Variants in PAPPA2 observed in about 807,000 individuals in gnomAD.
PAPPA2 encodes the protein pappalysin 2, also known as pappalysin-2.
Under a neutral mutation model 176.4 loss-of-function variants are expected in PAPPA2, and 86 were observed. The observed-to-expected ratio is 0.49, with a 90% CI of 0.41 to 0.58. The LOEUF (loss-of-function observed/expected upper bound fraction) is 0.58, where lower values mean the gene tolerates loss of function less well. PAPPA2 is among the 20% of genes least tolerant of loss of function. The pLI, the probability that PAPPA2 is intolerant of heterozygous loss-of-function variation, is 0.00. For synonymous variants in PAPPA2, 809 were observed against 852.2 expected, an observed-to-expected ratio of 0.95 and a Z score of 0.88; for missense variants, 2,073 against 2,256.9, an observed-to-expected ratio of 0.92 and a Z score of 1.65.
chr1:176,566,914 G>A (rs1652017985), intron 2 of PAPPA2, among the ~76,000 whole-genome samples: 1 of 152,142 alleles, frequency 6.6e-6, no homozygotes, highest in African/African-American at 2.4e-5. Flanking sequence ...TTTGGCTCCT[G>A]AGCCTGTATA....
intron 1 of PAPPA2, among the ~76,000 whole-genome samples, chr1:176,515,975 A>G (rs1294675601): frequency 6.6e-6 from 1 of 152,178 alleles, no homozygotes; most frequent in Admixed American, 6.6e-5. Context: ...AGCCCATTTT[A>G]TGGATGAGAC....
chr1:176,486,176 G>A (rs562315437), intron 1 of PAPPA2, among the ~76,000 whole-genome samples: 1 of 152,322 alleles, frequency 6.6e-6, no homozygotes, highest in South Asian at 2.1e-4. Flanking sequence ...ATAAAGGAAA[G>A]ATAGAGAACT....
In PAPPA2 at chr1:176,840,250, T is replaced by C. The variant is rs1425038732; in HGVS notation, c.5280T>C (p.Ser1760=). ...ACTATGACGGGGGAGACTGCTGCTC[T>C]TCCACACTCTCCTCCAAGAAGGTGA... ...YCHYDGGDCC[S]STLSSKKVIP... The change falls in exon 22 of 23, where the codon TCT becomes TCC. Residue 1760 remains serine (S), a synonymous_variant. Coordinates refer to ENST00000367662, the MANE Select transcript of PAPPA2 (RefSeq NM_020318.3). 6.2e-7 allele frequency: 1 copy of C among 1,612,664 alleles called. No individual in the cohort carries two copies. The highest frequency in any genetic ancestry group is 8.5e-7 in the Non-Finnish European group (1 of 1,179,068).
At chr1:176,502,519 A>G (rs142792797) in intron 1 of PAPPA2, among the ~76,000 whole-genome samples, 3 of 152,296 alleles carry the variant, frequency 2.0e-5, no homozygotes, top group East Asian at 3.9e-4. Flanking sequence ...ATTATTCTTA[A>G]TAGTATCCTT....
intron 1 of PAPPA2, among the ~76,000 whole-genome samples, chr1:176,498,747 C>T (rs1345682556): frequency 7.9e-6 from 1 of 126,906 alleles, no homozygotes; most frequent in Non-Finnish European, 1.7e-5. Flanking sequence ...GAGACTCTTA[C>T]CTCCAAAAAA....
At chr1:176,779,052 C>T (rs769084675) in intron 17 of PAPPA2, among the ~76,000 whole-genome samples, 1 of 152,122 alleles carries the variant, frequency 6.6e-6, no homozygotes, top group Non-Finnish European at 1.5e-5. Flanking sequence ...TCAAACTCAG[C>T]CCTTGTTGAA....
Position 176,618,483 on chromosome 1 carries a change from C to T in PAPPA2, c.1991+22888C>T, listed in dbSNP as rs146174391. ...AGAAAAGATGCTAGTCTTGTTTGCT[C>T]CATATTAGTTGATATTTTAATTAAT... On this transcript the variant is annotated intron_variant, in intron 3 of 22. Transcript: ENST00000367662. 6.2e-3 allele frequency among the ~76,000 whole-genome samples: 938 copies of T among 152,292 alleles called. 17 individuals carry two copies. Among genetic ancestry groups the T allele is most frequent in the African/African-American group, 0.021 (855 of 41,548 alleles).
At chr1:176,788,707 C>A (rs1479722142) in intron 17 of PAPPA2, among the ~76,000 whole-genome samples, 2 of 152,120 alleles carry the variant, frequency 1.3e-5, no homozygotes, top group African/African-American at 2.4e-5. Context: ...GGGACCATGT[C>A]TGGGCATGAG....
intron 3 of PAPPA2, among the ~76,000 whole-genome samples, chr1:176,659,458 A>T (rs1165226843): frequency 6.6e-6 from 1 of 152,054 alleles, no homozygotes; most frequent in Admixed American, 6.6e-5. Context: ...GTCATATTAG[A>T]TTAGGGCCCA....
At chr1:176,668,636 A>C (rs1027207095) in intron 3 of PAPPA2, among the ~76,000 whole-genome samples, 1 of 152,202 alleles carries the variant, frequency 6.6e-6, no homozygotes, top group Admixed American at 6.5e-5. Context: ...AGCATTCTGC[A>C]TGTAAAGCAG....
At chr1:176,839,963 G>T (rs1667422221) in intron 21 of PAPPA2, among the ~76,000 whole-genome samples, 1 of 152,190 alleles carries the variant, frequency 6.6e-6, no homozygotes, top group African/African-American at 2.4e-5. Context: ...GAGCAGTGCT[G>T]CCAGTGAAAT....
intron 12 of PAPPA2, among the ~76,000 whole-genome samples, chr1:176,730,599 GT>G (rs58801431): frequency 1.2e-4 from 17 of 142,896 alleles, no homozygotes; most frequent in East Asian, 6.2e-4. Context: ...TTTGTTTTTT[GT>G]TTTTTTTTTG....
intron 21 of PAPPA2, among the ~76,000 whole-genome samples, chr1:176,812,860 AT>A (rs1255819570): frequency 1.3e-5 from 2 of 151,640 alleles, no homozygotes; most frequent in African/African-American, 4.9e-5. Context: ...TGCCATAGTG[AT>A]TTGCTGCACA....
chr1:176,823,980 A>C (rs1666763537), intron 21 of PAPPA2, among the ~76,000 whole-genome samples: 2 of 152,218 alleles, frequency 1.3e-5, no homozygotes, highest in African/African-American at 2.4e-5. Context: ...AGTGCAAAGA[A>C]AGGAGAAAAG....
chr1:176,544,319 G>A (rs1252335927), intron 1 of PAPPA2, among the ~76,000 whole-genome samples: 10 of 152,160 alleles, frequency 6.6e-5, no homozygotes, highest in Non-Finnish European at 1.0e-4. Flanking sequence ...TCTGATGACA[G>A]GATGCATGGC....
At chr1:176,576,906 A>G (rs1395302291) in intron 2 of PAPPA2, among the ~76,000 whole-genome samples, 1 of 152,050 alleles carries the variant, frequency 6.6e-6, no homozygotes, top group Admixed American at 6.5e-5. Flanking sequence ...ATGTTGCTAA[A>G]TCAGAATCTG....
At chr1:176,716,576 T>C (rs1311741735) in intron 12 of PAPPA2, among the ~76,000 whole-genome samples, 2 of 148,268 alleles carry the variant, frequency 1.3e-5, no homozygotes, top group Non-Finnish European at 3.0e-5. Context: ...AGTTTGTGTC[T>C]TCTAGATTAC....
intron 1 of PAPPA2, among the ~76,000 whole-genome samples, chr1:176,514,828 C>T (rs548549809): frequency 1.2e-4 from 18 of 152,334 alleles, no homozygotes; most frequent in East Asian, 7.7e-4. Context: ...AAAGCCTCTC[C>T]GGCTTGTGCA....
chr1:176,757,924 G>A lies in PAPPA2; in HGVS notation c.4152-7742G>A, dbSNP rs6698708. 2.5e-3 allele frequency among the ~76,000 whole-genome samples: 388 copies of A among 152,238 alleles called. 1 individual carries two copies. The highest frequency in any genetic ancestry group is 9.0e-3 in the African/African-American group (372 of 41,538). On this transcript the variant is annotated intron_variant, in intron 14 of 22. Transcript: ENST00000367662. ...AAAAATAAGTGAAGCAATTTGCCCA[G>A]CACTAGGACCCCCAAGTCTAGTTCT...
Sources: gnomAD v4.1 joint callset for allele counts (sites outside exome capture counted in the v4.1 genomes callset) on GRCh38, gnomAD v4.1.1 for gene constraint, MANE v1.5 for transcripts, NCBI Gene and HGNC (gene_info 2026-07-23, HGNC 2026-07-21) for gene names.